LMNTD1: variants seen among roughly 807,000 people sequenced by gnomAD.
The protein encoded by LMNTD1 is lamin tail domain-containing protein 1.
Under a neutral mutation model 50.9 loss-of-function variants are expected in LMNTD1, and 35 were observed. The ratio of observed to expected loss-of-function variants is 0.69; its 90% CI spans 0.53 to 0.91. LMNTD1 has a LOEUF of 0.91. Among genes scored for constraint, LMNTD1 ranks in the 40% least tolerant of loss-of-function variants. The pLI, the probability that LMNTD1 is intolerant of heterozygous loss-of-function variation, is 0.00. For missense variants in LMNTD1, 470 were observed against 475.5 expected (o/e 0.99, Z 0.11); for synonymous variants, 153 against 161.9 (o/e 0.94, Z 0.42).
At chr12:25,588,023 A>T (rs1592078270) in intron 1 of LMNTD1, among the ~76,000 whole-genome samples, 1 of 152,220 alleles carries the variant, frequency 6.6e-6, no homozygotes. Flanking sequence ...CATACTAAGA[A>T]TCAGAAGTTC....
chr12:25,642,412 A>T (rs1201274897), intron 1 of LMNTD1, among the ~76,000 whole-genome samples: 2 of 152,228 alleles, frequency 1.3e-5, no homozygotes, highest in Non-Finnish European at 2.9e-5. Flanking sequence ...GAGAAGACAG[A>T]CAGCCATCTA....
chr12:25,507,372 T>C (rs866841660), intron 8 of LMNTD1, among the ~76,000 whole-genome samples: 1 of 152,266 alleles, frequency 6.6e-6, no homozygotes, highest in African/African-American at 2.4e-5. Flanking sequence ...CTGTGATTTT[T>C]GTTTTCTTTT....
intron 4 of LMNTD1, among the ~76,000 whole-genome samples, chr12:25,544,748 C>T (rs908018167): frequency 2.0e-5 from 3 of 150,886 alleles, no homozygotes; most frequent in Admixed American, 2.0e-4. Context: ...ATGAGGCTTA[C>T]AAAAAACATC....
upstream of LMNTD1, among the ~76,000 whole-genome samples, chr12:25,553,527 T>C (rs892093671): frequency 6.6e-6 from 1 of 152,076 alleles, no homozygotes; most frequent in Non-Finnish European, 1.5e-5. Flanking sequence ...CTGGGGAAAT[T>C]AATCACAACT....
chr12:25,546,447 G>A lies in LMNTD1; in HGVS notation c.418C>T (p.His140Tyr), dbSNP rs757379588. The A allele has an allele frequency of 6.2e-7, 1 of 1,601,078 alleles. No homozygotes were observed. Among genetic ancestry groups the A allele is most frequent in the South Asian group, 1.1e-5 (1 of 89,340 alleles). The change falls in exon 4 of 10, where the codon CAC (histidine) becomes TAC (tyrosine). Residue 140 changes from histidine to tyrosine, a missense_variant. By Grantham distance (83) the His-to-Tyr change is moderately conservative (BLOSUM62 2). Transcript: ENST00000458174. Reference sequence around the variant, plus strand: ...AAAGTTTTCTGAGTGTAGTTTGAGTGTGCTGTAAGTTTCTTTGAATCACCA... The same window carrying A: ...AAAGTTTTCTGAGTGTAGTTTGAGTATGCTGTAAGTTTCTTTGAATCACCA... ...LFGDSKKLTA[H>Y]SNYTQKTLKY...
chr12:25,608,810 C>G (rs1251905792), intron 1 of LMNTD1, among the ~76,000 whole-genome samples: 8 of 152,084 alleles, frequency 5.3e-5, no homozygotes, highest in Non-Finnish European at 7.4e-5. Flanking sequence ...TGGGGTTGCT[C>G]TTCTTGAGGA....
chr12:25,598,655 G>C (rs11048121), intron 1 of LMNTD1, among the ~76,000 whole-genome samples: 2 of 151,144 alleles, frequency 1.3e-5, no homozygotes, highest in African/African-American at 4.9e-5. Flanking sequence ...AGTCAGAGAT[G>C]AAAAAGGAGA....
chr12:25,513,794 T>C (rs1193615447), intron 8 of LMNTD1, among the ~76,000 whole-genome samples: 1 of 152,238 alleles, frequency 6.6e-6, no homozygotes, highest in East Asian at 1.9e-4. Context: ...AGATAGCATT[T>C]TCAAAAGCAG....
rs371865408 is a variant in LMNTD1 at position 25,537,705 on chromosome 12, A to G, written c.491+8669T>C. ...AGGAACGCAGCTCCTCACCAGCAAC[A>G]GAACAAAGCTGGATGGAGAATGACT... On this transcript the variant is annotated intron_variant, in intron 4 of 9. Coordinates refer to ENST00000458174, the MANE Select transcript of LMNTD1 (RefSeq NM_001145728.2). 2.8e-4 allele frequency among the ~76,000 whole-genome samples: 43 copies of G among 151,728 alleles called. No individual in the cohort carries two copies. In the East Asian group the frequency reaches 5.2e-3, roughly 18 times the overall value.
intron 4 of LMNTD1, among the ~76,000 whole-genome samples, chr12:25,531,728 T>C (rs967764560): frequency 1.3e-5 from 2 of 152,190 alleles, no homozygotes; most frequent in African/African-American, 2.4e-5. Context: ...ATCAATACCA[T>C]TCTACCTCAA....
At chr12:25,640,780 A>G (rs922341495) in intron 1 of LMNTD1, among the ~76,000 whole-genome samples, 1 of 152,026 alleles carries the variant, frequency 6.6e-6, no homozygotes, top group Non-Finnish European at 1.5e-5. Context: ...CTCCTGCCTA[A>G]GCCTCCCGAG....
chr12:25,504,263 A>T (rs1434691844), intron 8 of LMNTD1, among the ~76,000 whole-genome samples: 1 of 152,210 alleles, frequency 6.6e-6, no homozygotes, highest in East Asian at 1.9e-4. Flanking sequence ...TGGCTGCATC[A>T]GGAGGGATGT....
At chr12:25,498,405 G>C (rs1398976535) in intron 9 of LMNTD1, among the ~76,000 whole-genome samples, 1 of 152,126 alleles carries the variant, frequency 6.6e-6, no homozygotes, top group Non-Finnish European at 1.5e-5. Flanking sequence ...CTCCCAGCTG[G>C]TTACTCCGTA....
chr12:25,644,430 T>A (rs1018722375), intron 1 of LMNTD1, among the ~76,000 whole-genome samples: 1 of 150,400 alleles, frequency 6.6e-6, no homozygotes, highest in Non-Finnish European at 1.5e-5. Flanking sequence ...GGCTGCAGGG[T>A]GCTGCCACTG....
At chr12:25,514,564 A>T (rs1218737987) in intron 8 of LMNTD1, among the ~76,000 whole-genome samples, 2 of 151,982 alleles carry the variant, frequency 1.3e-5, no homozygotes, top group Non-Finnish European at 2.9e-5. Flanking sequence ...GGATACAAAA[A>T]AAAAAAAGAA....
chr12:25,543,316 G>A (rs775020085), intron 4 of LMNTD1, among the ~76,000 whole-genome samples: 2 of 151,920 alleles, frequency 1.3e-5, no homozygotes, highest in African/African-American at 2.4e-5. Context: ...ACATTACAGG[G>A]AAAGAAAACT....
intron 9 of LMNTD1, among the ~76,000 whole-genome samples, chr12:25,482,122 T>C (rs1938466146): frequency 6.6e-6 from 1 of 151,864 alleles, no homozygotes; most frequent in African/African-American, 2.4e-5. Context: ...AAGAAGTAAT[T>C]TCTCATATTC....
At chr12:25,567,282 A>G (rs986903610) in intron 1 of LMNTD1, among the ~76,000 whole-genome samples, 15 of 152,096 alleles carry the variant, frequency 9.9e-5, no homozygotes, top group African/African-American at 3.4e-4. Flanking sequence ...CAGCTGTTCT[A>G]TTATTCTTAG....
intron 1 of LMNTD1, among the ~76,000 whole-genome samples, chr12:25,561,638 CT>C (rs1944329124): frequency 6.6e-6 from 1 of 152,146 alleles, no homozygotes; most frequent in Admixed American, 6.6e-5. Flanking sequence ...GTGGAGAGTT[CT>C]GTAGATGTCT....
Sources: allele counts gnomAD v4.1 joint callset (sites outside exome capture counted in the v4.1 genomes callset), GRCh38; gene constraint gnomAD v4.1.1; transcripts MANE v1.5; gene names NCBI Gene and HGNC (gene_info 2026-07-23, HGNC 2026-07-21).